Variants in SNX29 observed in about 807,000 individuals in gnomAD.
SNX29 encodes sorting nexin-29.
Under a neutral mutation model 102.1 loss-of-function variants are expected in SNX29, and 78 were observed. The ratio of observed to expected loss-of-function variants is 0.76; its 90% CI spans 0.64 to 0.92. The LOEUF (loss-of-function observed/expected upper bound fraction) is 0.92, where lower values mean the gene tolerates loss of function less well. Among genes scored for constraint, SNX29 ranks in the 40% least tolerant of loss-of-function variants. The pLI is 0.00. For missense variants in SNX29, 1,280 were observed against 1,061.7 expected (o/e 1.21, Z -2.86); for synonymous variants, 580 against 414.5 (o/e 1.40, Z -4.85).
chr16:12,069,221 C>T, intron 10 of SNX29, 89 bp downstream of exon 10: 3 of 1,117,634 alleles, frequency 2.7e-6, no homozygotes, highest in Non-Finnish European at 3.9e-6. Context: ...TAGGAGTGCA[C>T]CTGCTAGGAT....
chr16:12,209,214 T>G (rs531932735), intron 14 of SNX29, among the ~76,000 whole-genome samples: 71 of 152,278 alleles, frequency 4.7e-4, no homozygotes, highest in African/African-American at 1.5e-3. Context: ...CTGTGACGGT[T>G]TGGAGCCTGG....
At position 12,390,545 on chromosome 16, in the gene SNX29, T is replaced by A. The variant is rs377446054; in HGVS notation, c.1900-7901T>A. On this transcript the variant is annotated intron_variant, in intron 16 of 20. Transcript: ENST00000566228. The stretch of plus-strand genomic sequence containing the variant: ...GAGAGTCTGACTACTCAATGGAATG[T>A]AGTGCAAATCTGTGGAATAAACGTA... Among the ~76,000 whole-genome samples the A allele has an allele frequency of 9.2e-5, 14 of 152,298 alleles. No individual in the cohort carries two copies. In the East Asian group the frequency reaches 9.6e-4, roughly 10 times the overall value.
intron 14 of SNX29, among the ~76,000 whole-genome samples, chr16:12,200,530 T>C (rs1300643714): frequency 1.3e-5 from 2 of 151,908 alleles, no homozygotes; most frequent in Non-Finnish European, 2.9e-5. Context: ...CCGCCCAGGA[T>C]GGAGTGCAGT....
At chr16:12,456,506 C>CGT (rs3072479) in intron 18 of SNX29, among the ~76,000 whole-genome samples, 36,753 of 148,818 alleles carry the variant, frequency 0.25, 4,284 homozygotes, top group South Asian at 0.33. Flanking sequence ...CATGTGTGCA[C>CGT]GTGTGTGTGT....
At position 12,027,401 on chromosome 16, in the gene SNX29, A is replaced by G. The variant is rs770280827; in HGVS notation, c.204A>G (p.Ala68=). 7 of 1,614,132 alleles carry G rather than the reference A, an allele frequency of 4.3e-6. No individual in the cohort carries two copies. In the South Asian group the frequency reaches 7.7e-5, roughly 18 times the overall value. ...GTCGAGGATTGGCACTCACAGCGGC[A>G]GCGATCAAGCAGGCAGCGGGCTTTG... is the stretch of plus-strand genomic sequence containing the variant. ...KRSRGLALTA[A]AIKQAAGFAS... Residue 68 remains alanine (A), a synonymous_variant, in exon 4 of 21, where the codon GCA becomes GCG. Coordinates refer to ENST00000566228, the MANE Select transcript of SNX29 (RefSeq NM_032167.5).
chr16:12,022,952 A>G lies in SNX29; in HGVS notation c.123-4368A>G, dbSNP rs370834157. Among the ~76,000 whole-genome samples the G allele has an allele frequency of 2.8e-4, 40 of 143,140 alleles. No individual in the cohort carries two copies. In the East Asian group the frequency reaches 3.3e-3, roughly 12 times the overall value. The allele number at this position is 143,140 out of a possible 152,430, so 93.9% of individuals were successfully genotyped here. ...CTCTCTGTTGCCCAAGCTGGAGTGC[A>G]GTGATGTGATCTCAGCTCACTGCAA... On this transcript the variant is annotated intron_variant, in intron 3 of 20. Transcript: ENST00000566228.
At chr16:12,504,734 A>G (rs80207040) in intron 19 of SNX29, among the ~76,000 whole-genome samples, 4,804 of 152,238 alleles carry the variant, frequency 0.032, 106 homozygotes, top group East Asian at 0.071. Context: ...ACTGTGCCTT[A>G]TTTAGAAGTT....
chr16:12,544,755 G>A (rs549099110), intron 20 of SNX29, among the ~76,000 whole-genome samples: 23 of 152,308 alleles, frequency 1.5e-4, no homozygotes, highest in Admixed American at 5.9e-4. Context: ...GAAGGGACGT[G>A]CTCTGGGTCG....
intron 20 of SNX29, among the ~76,000 whole-genome samples, chr16:12,528,023 C>T (rs1240813858): frequency 1.3e-5 from 2 of 150,842 alleles, no homozygotes; most frequent in African/African-American, 4.9e-5. Context: ...GATGGGGTTT[C>T]ACCGTGTTAG....
intron 15 of SNX29, among the ~76,000 whole-genome samples, chr16:12,284,364 A>G (rs540440027): frequency 3.9e-5 from 6 of 152,370 alleles, no homozygotes; most frequent in South Asian, 2.1e-4. Context: ...GGAATGACAC[A>G]TAAGAACCCA....
intron 15 of SNX29, among the ~76,000 whole-genome samples, chr16:12,316,991 C>G (rs74936431): frequency 0.014 from 2,152 of 152,354 alleles, 57 homozygotes; most frequent in African/African-American, 0.049. Flanking sequence ...GGCTAGAAAC[C>G]TCACATTCAG....
intron 14 of SNX29, among the ~76,000 whole-genome samples, chr16:12,235,840 A>G (rs1173535723): frequency 6.6e-6 from 1 of 151,908 alleles, no homozygotes; most frequent in Admixed American, 6.6e-5. Flanking sequence ...CTTGGAGTGT[A>G]GATTCTGACA....
At chr16:12,092,239 C>T (rs1044938917) in intron 11 of SNX29, among the ~76,000 whole-genome samples, 2 of 152,130 alleles carry the variant, frequency 1.3e-5, no homozygotes, top group African/African-American at 4.8e-5. Flanking sequence ...CATTTTCCTC[C>T]TCCCCCAAAT....
chr16:11,979,275 C>CAAAAAAAAAAAAAAAAAAAAAAAAAAAA (rs71139569), intron 1 of SNX29, among the ~76,000 whole-genome samples: 4 of 62,004 alleles, frequency 6.5e-5, no homozygotes, highest in African/African-American at 3.0e-4. Flanking sequence ...ACTCAGTCTC[C>CAAAAAAAAAAAAAAAAAAAAAAAAAAAA]AAAAAAAAAA....
intron 16 of SNX29, among the ~76,000 whole-genome samples, chr16:12,359,150 T>G (rs2082230087): frequency 2.0e-5 from 3 of 152,154 alleles, no homozygotes; most frequent in Non-Finnish European, 4.4e-5. Context: ...CCCTGTGGGA[T>G]CTGATGCTGT....
At chr16:12,559,570 A>G (rs563496187) in intron 20 of SNX29, among the ~76,000 whole-genome samples, 87 of 152,126 alleles carry the variant, frequency 5.7e-4, no homozygotes, top group Non-Finnish European at 1.0e-3. Context: ...TTTCTTATAC[A>G]TAACTCATCC....
chr16:12,061,451 G>C, intron 8 of SNX29, 77 bp from the exon 9 acceptor site: 1 of 1,201,710 alleles, frequency 8.3e-7, no homozygotes, highest in African/African-American at 1.5e-5. Flanking sequence ...TCAGGAGGGT[G>C]CTGTGGATGC....
chr16:12,304,499 G>A (rs1042179755), intron 15 of SNX29, among the ~76,000 whole-genome samples: 1 of 152,222 alleles, frequency 6.6e-6, no homozygotes, highest in Non-Finnish European at 1.5e-5. Context: ...TCTTTGGCTG[G>A]AGAATTAGCA....
At chr16:12,132,535 G>T (rs1567235593) in intron 13 of SNX29, among the ~76,000 whole-genome samples, 1 of 152,268 alleles carries the variant, frequency 6.6e-6, no homozygotes, top group Non-Finnish European at 1.5e-5. Flanking sequence ...GGATGGAGAG[G>T]ATGATCTCAT....
Sources: allele counts gnomAD v4.1 joint callset (sites outside exome capture counted in the v4.1 genomes callset), GRCh38; gene constraint gnomAD v4.1.1; transcripts MANE v1.5; gene names NCBI Gene and HGNC (gene_info 2026-07-23, HGNC 2026-07-21).